Variants in CA10 observed in about 807,000 individuals in gnomAD.
CA10 encodes carbonic anhydrase-related protein 10.
CA10 carries 14 observed loss-of-function variants against 44.2 expected under a neutral mutation model. The observed-to-expected ratio is 0.32, with a 90% CI of 0.21 to 0.50. The LOEUF is 0.50. Among genes scored for constraint, CA10 ranks in the 20% least tolerant of loss-of-function variants. The pLI, the probability that CA10 is intolerant of heterozygous loss-of-function variation, is 0.99. For missense variants in CA10, 350 were observed against 409.7 expected (o/e 0.85, Z 1.26); for synonymous variants, 159 against 141.6 (o/e 1.12, Z -0.87).
chr17:51,778,186 T>G (rs148845786), intron 3 of CA10, among the ~76,000 whole-genome samples: 6 of 152,272 alleles, frequency 3.9e-5, no homozygotes, highest in African/African-American at 1.4e-4. Flanking sequence ...AGCCTTCAGA[T>G]TTATGCTGTC....
At chr17:51,948,227 G>A (rs1267318088) in intron 2 of CA10, among the ~76,000 whole-genome samples, 1 of 152,066 alleles carries the variant, frequency 6.6e-6, no homozygotes, top group Non-Finnish European at 1.5e-5. Flanking sequence ...TGGGGCAGGG[G>A]CTCAATAAGC....
intron 4 of CA10, among the ~76,000 whole-genome samples, chr17:51,690,157 A>C (rs1321299071): frequency 1.3e-5 from 2 of 152,186 alleles, no homozygotes; most frequent in African/African-American, 4.8e-5. Context: ...CATGTTGGCC[A>C]GGCTGATCTT....
At chr17:51,741,109 T>G (rs1036688436) in intron 4 of CA10, among the ~76,000 whole-genome samples, 2 of 152,230 alleles carry the variant, frequency 1.3e-5, no homozygotes, top group Non-Finnish European at 2.9e-5. Context: ...GATGAATGAA[T>G]GAAGGTAAAC....
chr17:52,094,849 A>C (rs909951359), intron 1 of CA10, among the ~76,000 whole-genome samples: 1 of 152,218 alleles, frequency 6.6e-6, no homozygotes, highest in African/African-American at 2.4e-5. Flanking sequence ...GAATTCTCAT[A>C]TACTGCTGGT....
intron 3 of CA10, among the ~76,000 whole-genome samples, chr17:51,831,707 A>AGCGGCGGCAGCGGCGGCGGCAGCGGCG (rs1567854624): frequency 1.0e-5 from 1 of 98,208 alleles, no homozygotes; most frequent in African/African-American, 3.3e-5. Context: ...CAGCAGCAGC[A>AGCGGCGGCAGCGGCGGCGGCAGCGGCG]GCAGCAGCAG....
At chr17:52,066,751 G>C (rs549627840) in intron 2 of CA10, among the ~76,000 whole-genome samples, 1 of 152,130 alleles carries the variant, frequency 6.6e-6, no homozygotes, top group Admixed American at 6.6e-5. Flanking sequence ...TGTTGGAAAC[G>C]GGTATAAAGG....
At chr17:52,002,518 G>T (rs571874376) in intron 2 of CA10, among the ~76,000 whole-genome samples, 6 of 152,106 alleles carry the variant, frequency 3.9e-5, no homozygotes, top group African/African-American at 1.4e-4. Flanking sequence ...AAAGTCCAAT[G>T]TCTAAACCAA....
rs189528683 is a variant in CA10, at chr17:52,095,248, T to A, written c.62-22855A>T. Reference sequence around the variant, plus strand: ...CTGCATGATGTTATTTATATGAAGTTTTAAAACAGGCAAAACAAGTTCATA... The same window carrying A: ...CTGCATGATGTTATTTATATGAAGTATTAAAACAGGCAAAACAAGTTCATA... On this transcript the variant is annotated intron_variant, in intron 1 of 8. Transcript: ENST00000451037. 1.0e-3 allele frequency among the ~76,000 whole-genome samples: 155 copies of A among 152,248 alleles called. 2 individuals carry two copies. The highest frequency in any genetic ancestry group is 2.5e-4 in the Non-Finnish European group (17 of 68,014).
intron 1 of CA10, among the ~76,000 whole-genome samples, chr17:52,108,159 TATATATTTTTA>T (rs1408686344): frequency 1.4e-5 from 2 of 146,180 alleles, no homozygotes; most frequent in South Asian, 4.2e-4. Context: ...TAGGTGTATA[TATATATTTTTA>T]ATATATTTTT....
chr17:51,875,544 T>A (rs1980032719), intron 3 of CA10, among the ~76,000 whole-genome samples: 1 of 152,208 alleles, frequency 6.6e-6, no homozygotes, highest in Non-Finnish European at 1.5e-5. Context: ...GTTTCTGCAG[T>A]CATTCTAATC....
At chr17:52,049,144 A>G (rs1352382358) in intron 2 of CA10, among the ~76,000 whole-genome samples, 2 of 152,104 alleles carry the variant, frequency 1.3e-5, no homozygotes, top group South Asian at 2.1e-4. Flanking sequence ...GCTAAACAGG[A>G]GCAGAAGTAC....
At chr17:51,708,749 G>A (rs1392086643) in intron 4 of CA10, among the ~76,000 whole-genome samples, 4 of 152,206 alleles carry the variant, frequency 2.6e-5, no homozygotes, top group Non-Finnish European at 5.9e-5. Context: ...GAACGTGGAA[G>A]GACTAGACTT....
chr17:52,119,242 A>G (rs72836043), intron 1 of CA10, among the ~76,000 whole-genome samples: 2 of 150,932 alleles, frequency 1.3e-5, no homozygotes, highest in East Asian at 3.9e-4. Flanking sequence ...TTATGGCAGT[A>G]TTCATGACTT....
intron 3 of CA10, among the ~76,000 whole-genome samples, chr17:51,893,213 G>C (rs751319336): frequency 6.6e-6 from 1 of 152,124 alleles, no homozygotes; most frequent in Non-Finnish European, 1.5e-5. Context: ...GAAGGATTGA[G>C]AGTAACATGA....
At chr17:51,650,576 C>G (rs1171629899) in intron 5 of CA10, among the ~76,000 whole-genome samples, 1 of 152,122 alleles carries the variant, frequency 6.6e-6, no homozygotes, top group Non-Finnish European at 1.5e-5. Context: ...GAAAAAGTCC[C>G]AAATTGAATA....
At chr17:52,046,584 A>G (rs931836955) in intron 2 of CA10, among the ~76,000 whole-genome samples, 1 of 151,866 alleles carries the variant, frequency 6.6e-6, no homozygotes, top group Non-Finnish European at 1.5e-5. Context: ...CTTTATAAAA[A>G]TTGTGTAGGC....
intron 4 of CA10, among the ~76,000 whole-genome samples, chr17:51,694,491 T>TG (rs1179991953): frequency 6.8e-6 from 1 of 146,844 alleles, no homozygotes; most frequent in Non-Finnish European, 1.5e-5. Context: ...CACTTTTTAA[T>TG]GGGGTTTTTT....
chr17:51,997,880 C>T lies in CA10; in HGVS notation c.137-66748G>A, dbSNP rs145451745. Among the ~76,000 whole-genome samples, 210 of 152,096 alleles carry T rather than the reference C, an allele frequency of 1.4e-3. 2 individuals are homozygous for T. Among genetic ancestry groups the T allele is most frequent in the African/African-American group, 4.8e-3 (200 of 41,518 alleles). ...ACTGAGTAAACATCGCACCAGAGTC[C>T]CAGTGAAAGAAGCACTCAGAGTAAT... On this transcript the variant is annotated intron_variant, in intron 2 of 8. Coordinates refer to ENST00000451037, the MANE Select transcript of CA10 (RefSeq NM_020178.5).
chr17:51,877,111 T>G (rs1301115846), intron 3 of CA10, among the ~76,000 whole-genome samples: 2 of 152,180 alleles, frequency 1.3e-5, no homozygotes, highest in African/African-American at 4.8e-5. Context: ...CACTTCATGG[T>G]GGACATGTGT....
Sources: gnomAD v4.1 joint callset for allele counts (sites outside exome capture counted in the v4.1 genomes callset) on GRCh38, gnomAD v4.1.1 for gene constraint, MANE v1.5 for transcripts, NCBI Gene and HGNC (gene_info 2026-07-23, HGNC 2026-07-21) for gene names.